The following VPS13C variants were observed in gnomAD, a reference collection of about 807,000 sequenced individuals.
VPS13C encodes vacuolar protein sorting 13 homolog C.
In VPS13C, 358 loss-of-function variants were observed where a neutral mutation model predicts 456.8. The observed-to-expected ratio is 0.78, with a 90% confidence interval of 0.72 to 0.86. VPS13C has a LOEUF of 0.86. VPS13C is among the 40% of genes least tolerant of loss of function. The pLI, the probability that VPS13C is intolerant of heterozygous loss-of-function variation, is 0.00. For missense variants in VPS13C, 4,818 were observed against 4,385.4 expected (o/e 1.10, Z -2.79); for synonymous variants, 1,578 against 1,486.7 (o/e 1.06, Z -1.41).
intron 54 of VPS13C, 80 bp downstream of exon 54, chr15:61,922,317 C>G: frequency 6.6e-7 from 1 of 1,519,306 alleles, no homozygotes; most frequent in Non-Finnish European, 8.8e-7. Flanking sequence ...TGGCCATGCA[C>G]AAACAAGAAA....
intron 34 of VPS13C, among the ~76,000 whole-genome samples, chr15:61,962,117 T>G (rs557124110): frequency 9.5e-4 from 144 of 152,250 alleles, no homozygotes; most frequent in Admixed American, 3.5e-3. Flanking sequence ...GAGAAAAATT[T>G]TTTTCCAATA....
At chr15:61,869,120 T>TC (rs1034694238) in intron 80 of VPS13C, among the ~76,000 whole-genome samples, 7 of 146,576 alleles carry the variant, frequency 4.8e-5, no homozygotes, top group Admixed American at 2.0e-4. Context: ...TTTTTTCTTT[T>TC]TTTTTTTTTT....
At chr15:61,859,515 A>G (rs1194624407) in intron 82 of VPS13C, among the ~76,000 whole-genome samples, 2 of 152,090 alleles carry the variant, frequency 1.3e-5, no homozygotes, top group Non-Finnish European at 2.9e-5. Context: ...TTCCACACTG[A>G]TCTTACTGGT....
intron 37 of VPS13C, among the ~76,000 whole-genome samples, chr15:61,955,305 T>G (rs28591222): frequency 0.46 from 69,703 of 151,874 alleles, 16,206 homozygotes; most frequent in Middle Eastern, 0.66. Context: ...ATGGGCAAAT[T>G]GAGGTTCAGA....
At position 61,907,318 on chromosome 15, in the gene VPS13C, G is replaced by C; in HGVS notation, c.9051C>G (p.Thr3017=). 1.2e-6 allele frequency: 2 copies of C among 1,613,948 alleles called. No homozygotes were observed. The highest frequency in any genetic ancestry group is 1.7e-6 in the Non-Finnish European group (2 of 1,179,894). The change falls in exon 66 of 85, where the codon ACC becomes ACG. Residue 3017 remains threonine (T), a synonymous_variant. Coordinates refer to ENST00000644861, the MANE Select transcript of VPS13C (RefSeq NM_020821.3). ...RLFAWADPTG[T]RKLTWTYAAN... ...CTGCATATGTCCATGTAAGTTTTCT[G>C]GTACCAGTAGGATCTGCCCAGGCAA...
chr15:61,998,955 T>C (rs1212068673), intron 16 of VPS13C, among the ~76,000 whole-genome samples: 1 of 152,224 alleles, frequency 6.6e-6, no homozygotes, highest in Non-Finnish European at 1.5e-5. Flanking sequence ...TTCTTTTCTC[T>C]GGCTTACTTT....
rs2044747032 is a variant in VPS13C, at chr15:61,950,403, T to C, written c.4551A>G (p.Gly1517=). ...KMLLTKADSD[G]PEFKTIHDST... ...TGTCATGAATAGTTTTAAATTCTGG[T>C]CCATCACTGTCTGCCTACAAATAGT... The change falls in exon 41 of 85, where the codon GGA becomes GGG. Residue 1517 remains glycine (G), a synonymous_variant. Transcript: ENST00000644861. 6.2e-7 allele frequency: 1 copy of C among 1,611,780 alleles called. No homozygotes were observed. Among genetic ancestry groups the C allele is most frequent in the Non-Finnish European group, 8.5e-7 (1 of 1,178,508 alleles).
intron 66 of VPS13C, among the ~76,000 whole-genome samples, chr15:61,897,834 G>A (rs372290301): frequency 6.6e-6 from 1 of 152,258 alleles, no homozygotes; most frequent in Non-Finnish European, 1.5e-5. Flanking sequence ...AGGAAAAAAT[G>A]TTAAGGGCAG....
At chr15:61,966,211 C>A (rs2045371471) in intron 29 of VPS13C, 69 bp from the exon 30 acceptor site, 2 of 1,063,460 alleles carry the variant, frequency 1.9e-6, no homozygotes, top group Admixed American at 2.3e-5. Flanking sequence ...TATTTATTAT[C>A]TCTGGTTAAT....
At chr15:61,940,872 T>G in intron 46 of VPS13C, 78 bp from the exon 47 acceptor site, 1 of 1,390,376 alleles carries the variant, frequency 7.2e-7, no homozygotes, top group Non-Finnish European at 9.6e-7. Context: ...TGTAACAGTT[T>G]CCACACAGCA....
chr15:61,970,112 A>G (rs1370009640), intron 27 of VPS13C, among the ~76,000 whole-genome samples: 5 of 152,190 alleles, frequency 3.3e-5, no homozygotes, highest in Non-Finnish European at 4.4e-5. Flanking sequence ...AAAAAGTTCA[A>G]CTACTCAGAC....
At chr15:61,940,617 A>C in intron 47 of VPS13C, 30 bp downstream of exon 47, 1 of 1,585,424 alleles carries the variant, frequency 6.3e-7, no homozygotes, top group Non-Finnish European at 8.6e-7. Flanking sequence ...CTATCAAGAA[A>C]TTTTCATATA....
intron 53 of VPS13C, among the ~76,000 whole-genome samples, chr15:61,925,071 T>C (rs796242273): frequency 5.3e-5 from 8 of 152,288 alleles, no homozygotes; most frequent in African/African-American, 1.9e-4. Flanking sequence ...AATCAACTTA[T>C]ACATCAAATA....
chr15:62,044,084 T>G, intron 2 of VPS13C, 128 bp downstream of exon 2: 1 of 589,460 alleles, frequency 1.7e-6, no homozygotes, highest in Non-Finnish European at 2.8e-6. Context: ...AGCAAATAGT[T>G]GAACAAGTAA....
rs1249110514 is a variant in VPS13C at position 61,958,663 on chromosome 15, A to C, written c.4110T>G (p.Asn1370Lys). Residue 1370 changes from asparagine to lysine, a missense_variant, in exon 37 of 85, where the codon AAT (asparagine) becomes AAG (lysine). This residue lies in a region of VPS13C where 4,552 missense variants were observed against 4,130.6 expected (regional missense o/e 1.10). Coordinates refer to ENST00000644861, the MANE Select transcript of VPS13C (RefSeq NM_020821.3). ...CCAAGTCTTCAGTACCCTCACAGAG[A>C]TTTTCTGTTAGTATCCTAAATAAAA... ...LNLLFRILTE[N>K]LCEGTEDLDK... The C allele has an allele frequency of 2.5e-6, 4 of 1,574,432 alleles. No individual in the cohort carries two copies. The highest frequency in any genetic ancestry group is 3.4e-6 in the Non-Finnish European group (4 of 1,165,604).
chr15:61,929,270 T>C (rs1322400721), intron 51 of VPS13C, among the ~76,000 whole-genome samples: 1 of 152,218 alleles, frequency 6.6e-6, no homozygotes, highest in Non-Finnish European at 1.5e-5. Context: ...TAAAGAAATG[T>C]TCATGGCACA....
At chr15:61,865,520 CATACAT>C in intron 81 of VPS13C, 1 of 950,636 alleles carries the variant, frequency 1.1e-6, no homozygotes, top group Non-Finnish European at 1.3e-6. Context: ...ACTATATATA[CATACAT>C]ATAATGTATG....
At chr15:62,041,193 C>T (rs545172375) in intron 3 of VPS13C, 131 bp downstream of exon 3, 44 of 795,866 alleles carry the variant, frequency 5.5e-5, no homozygotes, top group East Asian at 4.2e-4. Flanking sequence ...CAGAACTCTA[C>T]GAGCTCTAAT....
At chr15:62,001,436 A>C (rs2046610506) in intron 15 of VPS13C, among the ~76,000 whole-genome samples, 1 of 152,226 alleles carries the variant, frequency 6.6e-6, no homozygotes, top group South Asian at 2.1e-4. Flanking sequence ...TATAACTGAA[A>C]TCATAAGACA....
Sources: allele counts gnomAD v4.1 joint callset (sites outside exome capture counted in the v4.1 genomes callset), GRCh38; gene constraint gnomAD v4.1.1; regional missense constraint gnomAD v4.1.1; transcripts MANE v1.5; gene names NCBI Gene and HGNC (gene_info 2026-07-23, HGNC 2026-07-21).